The following THSD7B variants were observed in gnomAD, a reference collection of about 807,000 sequenced individuals.
The protein encoded by THSD7B is thrombospondin type-1 domain-containing protein 7B.
A neutral mutation model predicts 213.6 loss-of-function variants in THSD7B; 138 were observed. The observed-to-expected ratio is 0.65, with a 90% confidence interval of 0.56 to 0.74. THSD7B has a LOEUF of 0.74. Ranked by LOEUF, THSD7B falls within the 30% of genes least tolerant of loss-of-function variation. The pLI, the probability that THSD7B is intolerant of heterozygous loss-of-function variation, is 0.00. For missense variants in THSD7B, 1,931 were observed against 1,991.5 expected (o/e 0.97, Z 0.58); for synonymous variants, 742 against 687.0 (o/e 1.08, Z -1.25).
chr2:136,843,285 G>T (rs1682947188), intron 1 of THSD7B, among the ~76,000 whole-genome samples: 1 of 152,082 alleles, frequency 6.6e-6, no homozygotes, highest in South Asian at 2.1e-4. Flanking sequence ...TATTAAGTCT[G>T]TTCAAACATT....
At chr2:137,634,548 G>T (rs997243572) in intron 20 of THSD7B, among the ~76,000 whole-genome samples, 8 of 151,796 alleles carry the variant, frequency 5.3e-5, no homozygotes, top group African/African-American at 1.9e-4. Context: ...TATATACTTT[G>T]CCTGGGCCAT....
At chr2:137,113,011 A>T (rs1239547098) in intron 4 of THSD7B, among the ~76,000 whole-genome samples, 1 of 152,202 alleles carries the variant, frequency 6.6e-6, no homozygotes, top group Non-Finnish European at 1.5e-5. Context: ...CATACTTGTC[A>T]TCTGTACCAC....
At chr2:137,568,172 A>G (rs1261181958) in intron 16 of THSD7B, among the ~76,000 whole-genome samples, 1 of 152,140 alleles carries the variant, frequency 6.6e-6, no homozygotes, top group East Asian at 1.9e-4. Context: ...TAAAAGTGTG[A>G]TTTAAGTGAG....
chr2:136,793,208 AG>A (rs955950175), intron 1 of THSD7B, among the ~76,000 whole-genome samples: 6 of 152,080 alleles, frequency 3.9e-5, no homozygotes, highest in African/African-American at 1.4e-4. Flanking sequence ...AGTAATGAAT[AG>A]GGTTTCCAGT....
chr2:137,153,815 C>A lies in THSD7B; in HGVS notation c.1370-6398C>A, dbSNP rs114612136. Among the ~76,000 whole-genome samples the A allele has an allele frequency of 2.2e-3, 337 of 152,164 alleles. 4 individuals carry two copies. The highest frequency in any genetic ancestry group is 7.6e-3 in the African/African-American group (316 of 41,538). On this transcript the variant is annotated intron_variant, in intron 5 of 27. Transcript: ENST00000409968. Reference sequence around the variant, plus strand: ...ACTCCCTAAATGAATATATCAAGGGCAATATTGTTTCTCAAAAATCATTTA... The same window carrying A: ...ACTCCCTAAATGAATATATCAAGGGAAATATTGTTTCTCAAAAATCATTTA...
chr2:136,785,832 A>G (rs1681834178), intron 1 of THSD7B, among the ~76,000 whole-genome samples: 1 of 152,224 alleles, frequency 6.6e-6, no homozygotes, highest in African/African-American at 2.4e-5. Flanking sequence ...AGCCTGTTTT[A>G]TAAAATGTAA....
chr2:137,329,822 T>C (rs2104891126), intron 12 of THSD7B, among the ~76,000 whole-genome samples: 1 of 152,314 alleles, frequency 6.6e-6, no homozygotes, highest in East Asian at 1.9e-4. Context: ...AGGAGTCGAA[T>C]GTTGATCACC....
At chr2:137,175,989 T>C (rs1290308911) in intron 7 of THSD7B, among the ~76,000 whole-genome samples, 1 of 152,216 alleles carries the variant, frequency 6.6e-6, no homozygotes, top group Non-Finnish European at 1.5e-5. Context: ...AACTCTTCGA[T>C]TATGTTGTAT....
rs1683391612 is a variant in THSD7B at position 137,663,512 on chromosome 2, A to T, written c.4588A>T (p.Arg1530Ter). Residue 1530 changes from arginine (R) to a stop codon, truncating the protein, a stop_gained, in exon 26 of 28, where the codon AGA becomes TGA. Coordinates refer to ENST00000409968, the MANE Select transcript of THSD7B (RefSeq NM_001316349.2). LOFTEE classifies it high-confidence loss of function. Reference sequence around the variant, plus strand: ...TGTGAAAAACCTTTCTGGGAAAAACAGACCTGTGAATTCAAAAATACATGA... The same window carrying T: ...TGTGAAAAACCTTTCTGGGAAAAACTGACCTGTGAATTCAAAAATACATGA... ...ADVKNLSGKN[R>*]PVNSKIHDIF... 6.2e-7 allele frequency: 1 copy of T among 1,607,912 alleles called. No homozygotes were observed. The highest frequency in any genetic ancestry group is 1.1e-5 in the South Asian group (1 of 89,570).
intron 1 of THSD7B, among the ~76,000 whole-genome samples, chr2:136,881,599 G>A (rs1211948420): frequency 1.3e-5 from 2 of 151,856 alleles, no homozygotes; most frequent in Non-Finnish European, 2.9e-5. Context: ...TTGATTTTTT[G>A]TACAGAAGAA....
chr2:137,414,188 G>A (rs1467228236), intron 14 of THSD7B, among the ~76,000 whole-genome samples: 1 of 152,086 alleles, frequency 6.6e-6, no homozygotes, highest in African/African-American at 2.4e-5. Flanking sequence ...TTCACCAGAT[G>A]AAAATCATGC....
At chr2:136,874,391 G>T (rs79094346) in intron 1 of THSD7B, among the ~76,000 whole-genome samples, 3,221 of 152,232 alleles carry the variant, frequency 0.021, 67 homozygotes, top group East Asian at 0.1. Context: ...GGTAAAGTGG[G>T]ATGCAGAATA....
At chr2:137,620,115 G>A (rs1682489661) in intron 19 of THSD7B, among the ~76,000 whole-genome samples, 1 of 152,208 alleles carries the variant, frequency 6.6e-6, no homozygotes, top group African/African-American at 2.4e-5. Context: ...TCATCAACTT[G>A]ACCCATCGTT....
intron 12 of THSD7B, among the ~76,000 whole-genome samples, chr2:137,306,628 A>T (rs1158009551): frequency 1.3e-5 from 2 of 152,074 alleles, no homozygotes; most frequent in Admixed American, 1.3e-4. Flanking sequence ...CTAGTGAAAA[A>T]GAATTATATT....
intron 5 of THSD7B, among the ~76,000 whole-genome samples, chr2:137,148,018 GT>G (rs1249837489): frequency 6.6e-6 from 1 of 152,012 alleles, no homozygotes; most frequent in Non-Finnish European, 1.5e-5. Context: ...GTTTAGCTGT[GT>G]CCCCACCCAA....
intron 11 of THSD7B, 46 bp from the exon 12 acceptor site, chr2:137,275,877 G>A (rs1682857577): frequency 7.1e-7 from 1 of 1,416,724 alleles, no homozygotes; most frequent in Non-Finnish European, 9.8e-7. Flanking sequence ...TCTTCCTCGT[G>A]TTGATCACAG....
At chr2:137,658,809 C>G (rs916716290) in intron 24 of THSD7B, among the ~76,000 whole-genome samples, 1 of 152,168 alleles carries the variant, frequency 6.6e-6, no homozygotes. Flanking sequence ...CTGCCTTAGG[C>G]CCAGAGCTTT....
intron 12 of THSD7B, among the ~76,000 whole-genome samples, chr2:137,277,843 A>G (rs916161525): frequency 2.0e-5 from 3 of 151,982 alleles, no homozygotes; most frequent in South Asian, 2.1e-4. Context: ...GTGTGTTGGG[A>G]GTTGAGGATA....
At chr2:137,434,965 C>A (rs146363321) in intron 14 of THSD7B, among the ~76,000 whole-genome samples, 1 of 152,154 alleles carries the variant, frequency 6.6e-6, no homozygotes, top group Non-Finnish European at 1.5e-5. Context: ...AAAAAACTTA[C>A]GGTAGTCTTC....
Sources: allele counts gnomAD v4.1 joint callset (sites outside exome capture counted in the v4.1 genomes callset), GRCh38; gene constraint gnomAD v4.1.1; transcripts MANE v1.5; gene names NCBI Gene and HGNC (gene_info 2026-07-23, HGNC 2026-07-21).